Variants in ATP13A4 observed in about 807,000 individuals in gnomAD.
ATP13A4 encodes the protein ATPase 13A4, also known as probable cation-transporting ATPase 13A4.
Under a neutral mutation model 142.5 loss-of-function variants are expected in ATP13A4, and 114 were observed. That is an observed-to-expected ratio of 0.80 (90% CI 0.69 to 0.93). ATP13A4 has a LOEUF of 0.93. Ranked by LOEUF, ATP13A4 falls within the 40% of genes least tolerant of loss-of-function variation. The pLI is 0.00. For synonymous variants in ATP13A4, 488 were observed against 514.8 expected, an observed-to-expected ratio of 0.95 and a Z score of 0.70; for missense variants, 1,392 against 1,454.0, an observed-to-expected ratio of 0.96 and a Z score of 0.69.
chr3:193,435,853 T>A, intron 23 of ATP13A4, 109 bp from the exon 24 acceptor site: 1 of 934,712 alleles, frequency 1.1e-6, no homozygotes. Flanking sequence ...AAAGTCATTA[T>A]ACGACTGTCT....
chr3:193,531,296 G>GAGGGAGGA (rs1173723373), intron 1 of ATP13A4, among the ~76,000 whole-genome samples: 19 of 73,988 alleles, frequency 2.6e-4, no homozygotes, highest in African/African-American at 6.9e-4. Flanking sequence ...GGGAGGGAGG[G>GAGGGAGGA]AGGAAGGAAG....
At chr3:193,573,136 A>C (rs111839612) in intron 2 of ATP13A4, among the ~76,000 whole-genome samples, 4,463 of 150,196 alleles carry the variant, frequency 0.03, 79 homozygotes, top group African/African-American at 0.037. Context: ...GACATGGTTT[A>C]AATGTTCATG....
intron 12 of ATP13A4, among the ~76,000 whole-genome samples, chr3:193,463,424 TAAAAAAAAAAAA>T (rs11336311): frequency 1.0e-5 from 1 of 95,998 alleles, no homozygotes; most frequent in Admixed American, 1.2e-4. Context: ...TGCTATTTGG[TAAAAAAAAAAAA>T]AAAAAAAAAA....
intron 28 of ATP13A4, among the ~76,000 whole-genome samples, chr3:193,409,246 A>G (rs6795893): frequency 0.29 from 44,588 of 152,174 alleles, 8,577 homozygotes; most frequent in African/African-American, 0.55. Flanking sequence ...TAATCAACAC[A>G]TTTATAGTAT....
intron 28 of ATP13A4, among the ~76,000 whole-genome samples, chr3:193,407,916 C>T (rs1481758618): frequency 1.3e-5 from 2 of 152,236 alleles, no homozygotes; most frequent in Non-Finnish European, 2.9e-5. Flanking sequence ...CAGGGCTTCA[C>T]CCTCAGGACT....
At chr3:193,551,034 T>C (rs1723531507) in intron 1 of ATP13A4, among the ~76,000 whole-genome samples, 1 of 152,194 alleles carries the variant, frequency 6.6e-6, no homozygotes, top group Non-Finnish European at 1.5e-5. Context: ...AAAAGGTAGG[T>C]GTTTTCCCAA....
At chr3:193,527,892 C>A (rs375593885) in intron 1 of ATP13A4, among the ~76,000 whole-genome samples, 32 of 152,270 alleles carry the variant, frequency 2.1e-4, no homozygotes, top group African/African-American at 7.7e-4. Flanking sequence ...TTGAGTCCCT[C>A]TCTGCAGGTA....
At chr3:193,414,859 G>A (rs1269816231) in intron 25 of ATP13A4, 109 bp from the exon 26 acceptor site, 1 of 1,027,936 alleles carries the variant, frequency 9.7e-7, no homozygotes, top group East Asian at 2.6e-5. Context: ...TGGACAAACT[G>A]GAGTACATCA....
At chr3:193,557,996 G>C (rs1160998168), upstream of ATP13A4, among the ~76,000 whole-genome samples, 1 of 152,214 alleles carries the variant, frequency 6.6e-6, no homozygotes, top group East Asian at 1.9e-4. Flanking sequence ...CATGTGGCAG[G>C]GAAATATGGA....
intron 2 of ATP13A4, among the ~76,000 whole-genome samples, chr3:193,504,647 G>T (rs567434158): frequency 2.6e-5 from 4 of 152,096 alleles, no homozygotes; most frequent in Admixed American, 2.6e-4. Flanking sequence ...TCTACATTTT[G>T]CTAAAAAATA....
intron 19 of ATP13A4, 77 bp from the exon 20 acceptor site, chr3:193,441,665 G>A (rs1716651041): frequency 1.3e-6 from 2 of 1,530,746 alleles, no homozygotes; most frequent in South Asian, 2.3e-5. Context: ...TCTGAGAGAA[G>A]TTAATGAAGA....
chr3:193,573,866 T>C (rs1724340388), intron 2 of ATP13A4, among the ~76,000 whole-genome samples: 1 of 152,196 alleles, frequency 6.6e-6, no homozygotes, highest in Non-Finnish European at 1.5e-5. Context: ...TTCCAGAAAC[T>C]TCAAAAATCG....
chr3:193,478,496 C>T (rs150032223), intron 8 of ATP13A4, among the ~76,000 whole-genome samples: 18 of 151,972 alleles, frequency 1.2e-4, no homozygotes, highest in African/African-American at 4.3e-4. Context: ...ACTATGAACA[C>T]CTATATGCAA....
intron 19 of ATP13A4, 65 bp from the exon 20 acceptor site, chr3:193,441,653 T>C (rs1266072706): frequency 1.9e-6 from 3 of 1,570,074 alleles, no homozygotes; most frequent in East Asian, 4.5e-5. Context: ...ACCATAAGCA[T>C]ATCTGAGAGA....
Position 193,554,727 on chromosome 3 carries a change from G to T in ATP13A4, c.60+13C>A, listed in dbSNP as rs1346166295. On this transcript the variant is annotated intron_variant, in intron 1 of 29. Coordinates refer to ENST00000342695, the MANE Select transcript of ATP13A4 (RefSeq NM_032279.4). Reference sequence around the variant, plus strand: ...AGTGGGATGGGAAGAAGGGAATGTGGCTAGAATCTTACCATCTCATTCTCT... The same window carrying T: ...AGTGGGATGGGAAGAAGGGAATGTGTCTAGAATCTTACCATCTCATTCTCT... The T allele has an allele frequency of 1.2e-6, 2 of 1,612,644 alleles. No homozygotes were observed. The highest frequency in any genetic ancestry group is 3.3e-5 in the Admixed American group (2 of 59,934).
intron 25 of ATP13A4, among the ~76,000 whole-genome samples, chr3:193,427,692 T>C (rs986401681): frequency 3.9e-5 from 6 of 151,964 alleles, no homozygotes; most frequent in Non-Finnish European, 8.8e-5. Flanking sequence ...AATGGGGAAA[T>C]GATTCCCTAT....
chr3:193,494,043 T>A (rs1349604945), intron 3 of ATP13A4, among the ~76,000 whole-genome samples: 1 of 151,982 alleles, frequency 6.6e-6, no homozygotes, highest in Admixed American at 6.6e-5. Context: ...ACAAAAAAGA[T>A]CATTGCATAA....
intron 17 of ATP13A4, among the ~76,000 whole-genome samples, chr3:193,449,138 T>A (rs1717128272): frequency 6.6e-6 from 1 of 152,186 alleles, no homozygotes. Flanking sequence ...CACCAGCTGG[T>A]AGCAATGATC....
chr3:193,486,491 G>A (rs1165244214), intron 7 of ATP13A4, among the ~76,000 whole-genome samples: 1 of 152,138 alleles, frequency 6.6e-6, no homozygotes, highest in Admixed American at 6.5e-5. Flanking sequence ...TAGTTGAAGG[G>A]GAAGAAGAGA....
Sources: gnomAD v4.1 joint callset for allele counts (sites outside exome capture counted in the v4.1 genomes callset) on GRCh38, gnomAD v4.1.1 for gene constraint, MANE v1.5 for transcripts, NCBI Gene and HGNC (gene_info 2026-07-23, HGNC 2026-07-21) for gene names.